SQOR: variants seen among roughly 807,000 people sequenced by gnomAD.
The protein encoded by SQOR is sulfide quinone oxidoreductase.
SQOR carries 39 observed loss-of-function variants against 48.6 expected under a neutral mutation model. That is an observed-to-expected ratio of 0.80 (90% CI 0.62 to 1.05). The LOEUF (loss-of-function observed/expected upper bound fraction) is 1.05. Among genes scored for constraint, SQOR ranks in the 50% least tolerant of loss-of-function variants. The probability of loss-of-function intolerance (pLI) is 0.00; values close to 1 mark genes in which losing one functional copy is unlikely to be tolerated. For synonymous variants in SQOR, 220 were observed against 206.2 expected, an observed-to-expected ratio of 1.07 and a Z score of -0.57; for missense variants, 561 against 559.9, an observed-to-expected ratio of 1.00 and a Z score of -0.02.
intron 1 of SQOR, among the ~76,000 whole-genome samples, chr15:45,638,192 A>G (rs1164397463): frequency 6.6e-6 from 1 of 152,258 alleles, no homozygotes. Flanking sequence ...CACTGGGACT[A>G]TCTATGTCTG....
Position 45,661,984 on chromosome 15 carries a change from G to C in SQOR, c.264G>C (p.Leu88=), listed in dbSNP as rs148163396. The change falls in exon 3 of 10, where the codon CTG becomes CTC. Residue 88 remains leucine (L), a synonymous_variant. Coordinates refer to ENST00000260324, the MANE Select transcript of SQOR (RefSeq NM_021199.4). ...ATTTCTACCAGCCAATCTGGACACT[G>C]GTGGGTGCTGGTGCCAAACAATTGT... ...ERHFYQPIWT[L]VGAGAKQLSS... is the part of the protein sequence containing the mutation. 4.6e-4 allele frequency: 749 copies of C among 1,614,070 alleles called. No homozygotes were observed. The highest frequency in any genetic ancestry group is 6.1e-4 in the Non-Finnish European group (717 of 1,180,028).
intron 1 of SQOR, among the ~76,000 whole-genome samples, chr15:45,650,324 G>A (rs1398434496): frequency 6.6e-6 from 1 of 152,194 alleles, no homozygotes; most frequent in African/African-American, 2.4e-5. Context: ...CGTGGGGAGT[G>A]TTACAGTTCT....
At chr15:45,640,704 C>CTA (rs1213691546) in intron 1 of SQOR, among the ~76,000 whole-genome samples, 4 of 152,190 alleles carry the variant, frequency 2.6e-5, no homozygotes, top group African/African-American at 9.7e-5. Flanking sequence ...ATGTGAGACT[C>CTA]TGAGTGGAAA....
intron 6 of SQOR, 114 bp from the exon 7 acceptor site, chr15:45,682,364 T>G (rs1890138324): frequency 9.1e-7 from 1 of 1,097,110 alleles, no homozygotes; most frequent in Admixed American, 2.4e-5. Flanking sequence ...GCTGATTGTA[T>G]AATGCTCCAT....
chr15:45,669,790 T>G, intron 3 of SQOR, 138 bp from the exon 4 acceptor site: 1 of 727,652 alleles, frequency 1.4e-6, no homozygotes, highest in Non-Finnish European at 2.4e-6. Flanking sequence ...TCTGCTTCGA[T>G]TTTCTCATCT....
At chr15:45,659,287 C>G in intron 2 of SQOR, 130 bp downstream of exon 2, 1 of 658,016 alleles carries the variant, frequency 1.5e-6, no homozygotes, top group South Asian at 3.9e-5. Context: ...GTTAGGGCTT[C>G]TCCTGGGCAC....
chr15:45,645,087 A>G (rs1443712022), intron 1 of SQOR, among the ~76,000 whole-genome samples: 1 of 152,226 alleles, frequency 6.6e-6, no homozygotes, highest in Non-Finnish European at 1.5e-5. Context: ...GAATATTGAC[A>G]GGAAGGGGAA....
intron 6 of SQOR, among the ~76,000 whole-genome samples, chr15:45,677,408 A>AT (rs1469200175): frequency 6.6e-6 from 1 of 152,156 alleles, no homozygotes; most frequent in African/African-American, 2.4e-5. Flanking sequence ...CACAGATACA[A>AT]TTTTTTAACT....
chr15:45,676,072 G>T, intron 5 of SQOR, 29 bp from the exon 6 acceptor site: 2 of 1,586,412 alleles, frequency 1.3e-6, no homozygotes, highest in South Asian at 2.3e-5. Context: ...GTCATGCTTT[G>T]GTGTGAATGG....
intron 3 of SQOR, among the ~76,000 whole-genome samples, chr15:45,665,537 AT>A (rs35319913): frequency 0.54 from 80,899 of 151,094 alleles, 23,024 homozygotes; most frequent in East Asian, 0.68. Flanking sequence ...ATTAGTCAAC[AT>A]TTCTTTAGCA....
At chr15:45,644,037 G>A (rs1009608682) in intron 1 of SQOR, among the ~76,000 whole-genome samples, 8 of 151,974 alleles carry the variant, frequency 5.3e-5, no homozygotes, top group African/African-American at 1.9e-4. Context: ...ACATTCTTCG[G>A]TACTATGTAA....
At chr15:45,643,893 A>AG (rs1895149372) in intron 1 of SQOR, among the ~76,000 whole-genome samples, 1 of 152,198 alleles carries the variant, frequency 6.6e-6, no homozygotes, top group South Asian at 2.1e-4. Flanking sequence ...AATGGAGGAT[A>AG]GTATATGACA....
At chr15:45,638,071 G>A (rs957455208) in intron 1 of SQOR, among the ~76,000 whole-genome samples, 2 of 152,212 alleles carry the variant, frequency 1.3e-5, no homozygotes, top group Non-Finnish European at 1.5e-5. Flanking sequence ...AGTAGATCTA[G>A]CCAACCATCC....
At chr15:45,686,154 T>A (rs1273774505) in intron 7 of SQOR, among the ~76,000 whole-genome samples, 1 of 150,980 alleles carries the variant, frequency 6.6e-6, no homozygotes, top group East Asian at 1.9e-4. Context: ...CCTCATTTAA[T>A]ATATATATAT....
Position 45,688,330 on chromosome 15 carries a change from C to G in SQOR, c.1049-7C>G, listed in dbSNP as rs747570181. ...ACATTTTTCTGACTTTCCCATTTCTCTTATAGCTGCCCAGTCAGGAATACT... is the reference window on the plus strand; with the variant it reads ...ACATTTTTCTGACTTTCCCATTTCTGTTATAGCTGCCCAGTCAGGAATACT... On this transcript the variant is annotated splice_polypyrimidine_tract_variant and splice_region_variant and intron_variant, in intron 7 of 9. Transcript: ENST00000260324. The G allele has an allele frequency of 6.7e-5, 107 of 1,590,266 alleles. 1 individual carries two copies. Among genetic ancestry groups the G allele is most frequent in the Admixed American group, 4.9e-4 (26 of 52,928 alleles).
chr15:45,677,130 A>G (rs1034419597), intron 6 of SQOR, among the ~76,000 whole-genome samples: 1 of 152,020 alleles, frequency 6.6e-6, no homozygotes, highest in African/African-American at 2.4e-5. Flanking sequence ...TTTTACCTAG[A>G]TTCACTTGTA....
At chr15:45,644,592 TACTC>T (rs894417020) in intron 1 of SQOR, among the ~76,000 whole-genome samples, 2 of 152,206 alleles carry the variant, frequency 1.3e-5, no homozygotes, top group East Asian at 1.9e-4. Flanking sequence ...AAGAAGCTCT[TACTC>T]ACAGTTCCCT....
chr15:45,688,494 C>CTTTTCTTT, intron 8 of SQOR, 90 bp downstream of exon 8: 1 of 926,236 alleles, frequency 1.1e-6, no homozygotes, highest in Non-Finnish European at 1.6e-6. Flanking sequence ...CACTTTCTGT[C>CTTTTCTTT]TTTTCTTTTT....
intron 1 of SQOR, among the ~76,000 whole-genome samples, chr15:45,648,316 A>T (rs960009356): frequency 6.6e-6 from 1 of 151,948 alleles, no homozygotes; most frequent in African/African-American, 2.4e-5. Context: ...TAGCTGGGAT[A>T]ACAGGCATGT....
Sources: allele counts gnomAD v4.1 joint callset (sites outside exome capture counted in the v4.1 genomes callset), GRCh38; gene constraint gnomAD v4.1.1; transcripts MANE v1.5; gene names NCBI Gene and HGNC (gene_info 2026-07-23, HGNC 2026-07-21).